TRPM7: variants seen among roughly 807,000 people sequenced by gnomAD.
TRPM7 encodes the protein LTRPC ion channel family member 7.
Under a neutral mutation model 229.7 loss-of-function variants are expected in TRPM7, and 134 were observed. The observed-to-expected ratio is 0.58, with a 90% CI of 0.51 to 0.67. TRPM7 has a LOEUF of 0.67. Ranked by LOEUF, TRPM7 falls within the 30% of genes least tolerant of loss-of-function variation. The pLI is 0.00. For synonymous variants in TRPM7, 699 were observed against 715.2 expected (o/e 0.98, Z 0.36); for missense variants, 1,901 against 2,210.0 (o/e 0.86, Z 2.80).
In TRPM7 at chr15:50,663,940, G is replaced by C. The variant is rs879762894; in HGVS notation, c.4-894C>G. On this transcript the variant is annotated intron_variant, in intron 1 of 38. Transcript: ENST00000646667. ...ATCAGGCCACTGCACTCCAGCCTGA[G>C]TGAAAGAGTGAGAGACTCTGTCTCA... 3.6e-4 allele frequency among the ~76,000 whole-genome samples: 55 copies of C among 151,146 alleles called. 1 individual carries two copies. Among genetic ancestry groups the C allele is most frequent in the Middle Eastern group, 3.6e-3 (1 of 278 alleles).
At chr15:50,661,235 A>G (rs1404432879) in intron 2 of TRPM7, among the ~76,000 whole-genome samples, 4 of 152,146 alleles carry the variant, frequency 2.6e-5, no homozygotes, top group Admixed American at 1.3e-4. Context: ...TCAGCCTCCC[A>G]AAGTGCTGGG....
At chr15:50,584,541 C>T (rs1191001501) in intron 28 of TRPM7, among the ~76,000 whole-genome samples, 1 of 151,128 alleles carries the variant, frequency 6.6e-6, no homozygotes, top group African/African-American at 2.4e-5. Context: ...GAGGATGCTG[C>T]AATACAGGTA....
intron 3 of TRPM7, among the ~76,000 whole-genome samples, chr15:50,651,855 T>C (rs1480974184): frequency 6.6e-6 from 1 of 151,458 alleles, no homozygotes; most frequent in Non-Finnish European, 1.5e-5. Context: ...CCACTGCACA[T>C]CCAGCCTGGC....
At chr15:50,655,548 T>C (rs999801530) in intron 3 of TRPM7, among the ~76,000 whole-genome samples, 1 of 151,592 alleles carries the variant, frequency 6.6e-6, no homozygotes, top group African/African-American at 2.4e-5. Flanking sequence ...AGGCATATTA[T>C]AGACATGCTG....
At position 50,686,609 on chromosome 15, in the gene TRPM7, G is replaced by C; in HGVS notation, c.-76C>G. ...TCCGCGGCCTGTAGCCATCTATCGG[G>C]AAGCGTCTCCGGAGGCGGCAGCAGA... is the stretch of plus-strand genomic sequence containing the variant. On this transcript the variant is annotated 5_prime_UTR_variant, in exon 1 of 39. Transcript: ENST00000646667. 6.3e-7 allele frequency: 1 copy of C among 1,581,572 alleles called. No individual in the cohort carries two copies. Among genetic ancestry groups the C allele is most frequent in the Non-Finnish European group, 8.6e-7 (1 of 1,165,046 alleles).
At chr15:50,599,067 T>C (rs755973009) in intron 22 of TRPM7, 55 bp downstream of exon 22, 21 of 1,322,108 alleles carry the variant, frequency 1.6e-5, no homozygotes, top group Non-Finnish European at 2.2e-5. Flanking sequence ...AATTCAATAT[T>C]GGTTTTAAAA....
At chr15:50,637,983 G>A (rs1449655000) in intron 6 of TRPM7, among the ~76,000 whole-genome samples, 1 of 152,184 alleles carries the variant, frequency 6.6e-6, no homozygotes, top group African/African-American at 2.4e-5. Flanking sequence ...TTGGGAGGCC[G>A]AGGCGAGTGG....
intron 2 of TRPM7, among the ~76,000 whole-genome samples, chr15:50,658,409 C>T (rs1486252090): frequency 7.0e-6 from 1 of 143,590 alleles, no homozygotes; most frequent in African/African-American, 2.6e-5. Context: ...TCCGTCTCTA[C>T]AAAAAAAAAA....
chr15:50,568,743 C>T (rs1015049990), intron 38 of TRPM7, among the ~76,000 whole-genome samples: 3 of 151,866 alleles, frequency 2.0e-5, no homozygotes, highest in Admixed American at 6.6e-5. Context: ...GGGAGGCTGA[C>T]GCAGGTGGAT....
intron 3 of TRPM7, among the ~76,000 whole-genome samples, chr15:50,655,249 CA>C (rs1490790584): frequency 6.6e-6 from 1 of 151,378 alleles, no homozygotes; most frequent in Non-Finnish European, 1.5e-5. Flanking sequence ...CCCTGACCAT[CA>C]AGGTAAAATC....
At position 50,566,469 on chromosome 15, in the gene TRPM7, G is replaced by A. The variant is rs1425386461; in HGVS notation, c.5467+3418C>T. ...TCCCAGCACTTTGGGAGGCCGAGTC[G>A]GGTAGATCACGAGGTCAAGAGATCA... On this transcript the variant is annotated intron_variant, in intron 38 of 38. Transcript: ENST00000646667. Among the ~76,000 whole-genome samples the A allele has an allele frequency of 3.3e-5, 5 of 152,138 alleles. No homozygotes were observed. The East Asian group carries it at 7.7e-4, about 24-fold the overall frequency.
At chr15:50,612,940 A>G (rs1156594208) in intron 15 of TRPM7, 111 bp from the exon 16 acceptor site, 1 of 838,040 alleles carries the variant, frequency 1.2e-6, no homozygotes, top group Non-Finnish European at 1.8e-6. Context: ...ATAAAACTGC[A>G]CAATAGCATA....
intron 10 of TRPM7, among the ~76,000 whole-genome samples, chr15:50,630,667 T>C (rs2060704946): frequency 1.3e-5 from 2 of 152,144 alleles, no homozygotes; most frequent in African/African-American, 4.8e-5. Context: ...TTTCAGCTGA[T>C]TAAGAAAGTG....
chr15:50,664,272 T>C (rs2061821068), intron 1 of TRPM7, among the ~76,000 whole-genome samples: 1 of 137,106 alleles, frequency 7.3e-6, no homozygotes, highest in Non-Finnish European at 1.5e-5. Flanking sequence ...ATCGCGCCAC[T>C]GCACTCCAGC....
intron 38 of TRPM7, among the ~76,000 whole-genome samples, chr15:50,564,471 T>C (rs566969792): frequency 5.9e-5 from 9 of 151,854 alleles, no homozygotes; most frequent in African/African-American, 1.7e-4. Context: ...ATGAAAATAG[T>C]TGCAGAACTG....
chr15:50,591,940 CCTT>C lies in TRPM7; in HGVS notation c.4292_4294del (p.Glu1431del). The C allele has an allele frequency of 6.3e-7, 1 of 1,586,818 alleles. No homozygotes were observed. The highest frequency in any genetic ancestry group is 8.5e-7 in the Non-Finnish European group (1 of 1,171,934). ...AAATGCTCCAAATTCTGTATTATCT[CCTT>C]CTGTAGCTTTAGAGCAAACAGTTTC... On this transcript the variant is annotated inframe_deletion, in exon 26 of 39. Transcript: ENST00000646667.
Position 50,561,369 on chromosome 15 carries a change from G to C in TRPM7, c.*309C>G, listed in dbSNP as rs541768539. 24 of 245,290 alleles carry C rather than the reference G, an allele frequency of 9.8e-5. No individual in the cohort carries two copies. The highest frequency in any genetic ancestry group is 5.4e-4 in the African/African-American group (24 of 44,162). 15.2% of individuals were successfully genotyped at this position (245,290 alleles called of 1,614,324 possible). A position where few individuals can be genotyped will look rare whatever the true frequency, so the allele number is the denominator to read the frequency against. On this transcript the variant is annotated 3_prime_UTR_variant, in exon 39 of 39. Coordinates refer to ENST00000646667, the MANE Select transcript of TRPM7 (RefSeq NM_017672.6). ...TGGTTAATGGTATTGTACCACATAA[G>C]AGAGAGCATCACCCTCATCAAAACA...
intron 1 of TRPM7, among the ~76,000 whole-genome samples, chr15:50,682,775 G>C (rs748975357): frequency 3.3e-5 from 5 of 152,072 alleles, no homozygotes; most frequent in Admixed American, 3.3e-4. Context: ...TCATCTAAAA[G>C]TGACACCCAT....
intron 1 of TRPM7, among the ~76,000 whole-genome samples, chr15:50,674,264 C>T (rs2062049249): frequency 6.6e-6 from 1 of 152,186 alleles, no homozygotes; most frequent in Non-Finnish European, 1.5e-5. Flanking sequence ...GCTAGGATTA[C>T]AGGCGTGAGC....
Sources: gnomAD v4.1 joint callset for allele counts (sites outside exome capture counted in the v4.1 genomes callset) on GRCh38, gnomAD v4.1.1 for gene constraint, MANE v1.5 for transcripts, NCBI Gene and HGNC (gene_info 2026-07-23, HGNC 2026-07-21) for gene names.